The following PRKAR1B variants were observed in gnomAD, a reference collection of about 807,000 sequenced individuals.
PRKAR1B encodes the protein protein kinase cAMP-dependent type I regulatory subunit beta.
A neutral mutation model predicts 46.5 loss-of-function variants in PRKAR1B; 22 were observed. The ratio of observed to expected loss-of-function variants is 0.47; its 90% CI spans 0.34 to 0.68. The LOEUF (loss-of-function observed/expected upper bound fraction) is 0.68, where lower values mean the gene tolerates loss of function less well. PRKAR1B is among the 30% of genes least tolerant of loss of function. The pLI, the probability that PRKAR1B is intolerant of heterozygous loss-of-function variation, is 0.01. For missense variants in PRKAR1B, 445 were observed against 535.6 expected, an observed-to-expected ratio of 0.83 and a Z score of 1.67; for synonymous variants, 259 against 217.7, an observed-to-expected ratio of 1.19 and a Z score of -1.67.
chr7:581,910 G>A (rs1426278714), intron 8 of PRKAR1B, among the ~76,000 whole-genome samples: 2 of 152,080 alleles, frequency 1.3e-5, no homozygotes, highest in Admixed American at 6.5e-5. Flanking sequence ...GGAGAGACAG[G>A]AACTCGCTAT....
At position 644,737 on chromosome 7, in the gene PRKAR1B, C is replaced by G. The variant is rs1784543725; in HGVS notation, c.440+32492G>C. Among the ~76,000 whole-genome samples, 3 of 152,216 alleles carry G rather than the reference C, an allele frequency of 2.0e-5. No homozygotes were observed. The highest frequency in any genetic ancestry group is 7.2e-5 in the African/African-American group (3 of 41,468). On this transcript the variant is annotated intron_variant, in intron 4 of 10. Transcript: ENST00000537384. This position sits in a 1 kb window ranked among gnomAD's most constrained non-coding sequence, Gnocchi z 4.9. Reference sequence around the variant, plus strand: ...CCAGCAAAGGGCAAACCCCAGCTCTCCCTCCCAGAGGGCAGGCACCAGGGC... The same window carrying G: ...CCAGCAAAGGGCAAACCCCAGCTCTGCCTCCCAGAGGGCAGGCACCAGGGC...
chr7:705,449 G>A (rs1780277090), intron 2 of PRKAR1B, among the ~76,000 whole-genome samples: 2 of 151,880 alleles, frequency 1.3e-5, no homozygotes, highest in Admixed American at 6.6e-5. Flanking sequence ...CTTGGAACAC[G>A]AGATAGGACA....
At chr7:618,129 C>T (rs1399827825) in intron 4 of PRKAR1B, among the ~76,000 whole-genome samples, 3 of 152,086 alleles carry the variant, frequency 2.0e-5, no homozygotes, top group Non-Finnish European at 2.9e-5. Context: ...AGGGCAAGGT[C>T]CAGGAACACA....
intron 4 of PRKAR1B, among the ~76,000 whole-genome samples, chr7:627,960 C>T (rs1398607868): frequency 6.6e-6 from 1 of 152,074 alleles, no homozygotes; most frequent in Non-Finnish European, 1.5e-5. Context: ...GGGTGAACAT[C>T]GAATGGGTGG....
At chr7:697,745 G>A (rs900979622) in intron 2 of PRKAR1B, among the ~76,000 whole-genome samples, 1 of 151,690 alleles carries the variant, frequency 6.6e-6, no homozygotes, top group African/African-American at 2.4e-5. Flanking sequence ...GAGGGTAAAG[G>A]ATTTGTTCAG....
At chr7:565,158 C>T (rs1338795313) in intron 9 of PRKAR1B, 1 of 152,188 alleles carries the variant, frequency 6.6e-6, no homozygotes, top group African/African-American at 2.4e-5. Context: ...TCCAACCATC[C>T]CTCATGGACC....
intron 9 of PRKAR1B, among the ~76,000 whole-genome samples, chr7:577,286 G>T (rs1779910796): frequency 6.6e-6 from 1 of 152,222 alleles, no homozygotes; most frequent in Non-Finnish European, 1.5e-5. Flanking sequence ...AGGGCAGAGA[G>T]GTGCCCTCCT....
At chr7:554,609 G>A (rs71536286) in intron 9 of PRKAR1B, among the ~76,000 whole-genome samples, 14 of 150,750 alleles carry the variant, frequency 9.3e-5, no homozygotes, top group Non-Finnish European at 1.5e-4. Flanking sequence ...GGGAGGCCAC[G>A]GATCCCACAG....
intron 9 of PRKAR1B, among the ~76,000 whole-genome samples, chr7:564,728 A>AG (rs1779028728): frequency 6.6e-6 from 1 of 152,112 alleles, no homozygotes. Context: ...AGCTCAGGGG[A>AG]GGGGGGATCG....
rs1431881185 is a variant in PRKAR1B at position 644,789 on chromosome 7, T to C, written c.440+32440A>G. On this transcript the variant is annotated intron_variant, in intron 4 of 10. Coordinates refer to ENST00000537384, the MANE Select transcript of PRKAR1B (RefSeq NM_001164760.2). The surrounding 1 kb of genome is among the most constrained non-coding windows in gnomAD (Gnocchi z 4.9). ...AGACCCTTCCCCCAGACACCTCCCA[T>C]AGCCTTCCAGGGAAGCGGGCCCCAA... Among the ~76,000 whole-genome samples, 1 of 152,024 alleles carries C rather than the reference T, an allele frequency of 6.6e-6. No individual in the cohort carries two copies. Among genetic ancestry groups the C allele is most frequent in the East Asian group, 1.9e-4 (1 of 5,164 alleles).
rs1425881007 is a variant in PRKAR1B, at chr7:551,401, A to G, written c.961T>C (p.Ser321Pro). 2 of 1,558,828 alleles carry G rather than the reference A, an allele frequency of 1.3e-6. No individual in the cohort carries two copies. The highest frequency in any genetic ancestry group is 1.7e-6 in the Non-Finnish European group (2 of 1,151,226). Reference sequence around the variant, plus strand: ...CCACTGGACTCACCGAAGTAGTCAGAGGGTCCCAGGCGCCCCACCTCCACG... The same window carrying G: ...CCACTGGACTCACCGAAGTAGTCAGGGGGTCCCAGGCGCCCCACCTCCACG... ...EYVEVGRLGPSDYFGEIALLL... is the reference protein window; with the variant it reads ...EYVEVGRLGPPDYFGEIALLL... Residue 321 changes from serine to proline, a missense_variant, in exon 10 of 11, where the codon TCT becomes CCT. This residue lies in a region of PRKAR1B where 127 missense variants were observed against 138.0 expected (regional missense o/e 0.92). Transcript: ENST00000537384.
At chr7:695,990 A>G (rs1779717891) in intron 2 of PRKAR1B, among the ~76,000 whole-genome samples, 2 of 103,282 alleles carry the variant, frequency 1.9e-5, no homozygotes, top group African/African-American at 7.9e-5. Flanking sequence ...TTTTTTTGAG[A>G]TAGGGTCTTT....
At chr7:655,737 G>A (rs1785154733) in intron 4 of PRKAR1B, among the ~76,000 whole-genome samples, 1 of 152,212 alleles carries the variant, frequency 6.6e-6, no homozygotes, top group Non-Finnish European at 1.5e-5. Flanking sequence ...GAATGAATGA[G>A]TGAGTGTAGC....
chr7:607,020 T>C (rs889010415), intron 5 of PRKAR1B, among the ~76,000 whole-genome samples: 1 of 152,130 alleles, frequency 6.6e-6, no homozygotes, highest in African/African-American at 2.4e-5. Context: ...CTTTTGAAAT[T>C]TGAGACAGAG....
In PRKAR1B at chr7:558,917, C is replaced by T. The variant is rs140075647; in HGVS notation, c.892-7447G>A. ...GTCGGATCACAGAACTGGGGGCAGA[C>T]GGGGAGACAGGGTCCCTCCCTTTGG... On this transcript the variant is annotated intron_variant, in intron 9 of 10. Coordinates refer to ENST00000537384, the MANE Select transcript of PRKAR1B (RefSeq NM_001164760.2). 1.2e-3 allele frequency among the ~76,000 whole-genome samples: 186 copies of T among 152,270 alleles called. 1 individual carries two copies. Among genetic ancestry groups the T allele is most frequent in the African/African-American group, 4.1e-3 (171 of 41,552 alleles).
At chr7:703,253 A>C (rs912201219) in intron 2 of PRKAR1B, among the ~76,000 whole-genome samples, 2 of 152,226 alleles carry the variant, frequency 1.3e-5, no homozygotes, top group African/African-American at 4.8e-5. Flanking sequence ...CAAAACACAT[A>C]AAGCAAAAAC....
rs371581630 is a variant in PRKAR1B at position 641,774 on chromosome 7, ACT to A, written c.441-34324_441-34323del. 8.6e-3 allele frequency among the ~76,000 whole-genome samples: 1,302 copies of A among 152,154 alleles called. 19 individuals carry two copies. The highest frequency in any genetic ancestry group is 0.029 in the African/African-American group (1,208 of 41,502). ...TTTATGTGTTTATTTACTTATTATC[ACT>A]GTGTTATTTTTAGTCACGTATTGAA... On this transcript the variant is annotated intron_variant, in intron 4 of 10. Coordinates refer to ENST00000537384, the MANE Select transcript of PRKAR1B (RefSeq NM_001164760.2).
chr7:605,713 C>G (rs185890919), intron 6 of PRKAR1B, among the ~76,000 whole-genome samples: 1 of 152,124 alleles, frequency 6.6e-6, no homozygotes, highest in Non-Finnish European at 1.5e-5. Flanking sequence ...ACGGCTGGGA[C>G]GTTCCAAGCT....
chr7:646,779 G>A (rs1784640906), intron 4 of PRKAR1B, among the ~76,000 whole-genome samples: 1 of 152,200 alleles, frequency 6.6e-6, no homozygotes, highest in African/African-American at 2.4e-5. Context: ...ACTAAGCCAT[G>A]TTAACCAAAC....
Sources: allele counts gnomAD v4.1 joint callset (sites outside exome capture counted in the v4.1 genomes callset), GRCh38; gene constraint gnomAD v4.1.1; regional missense constraint gnomAD v4.1.1; non-coding constraint Gnocchi (gnomAD v3.1); transcripts MANE v1.5; gene names NCBI Gene and HGNC (gene_info 2026-07-23, HGNC 2026-07-21).